The following CACNA2D3 variants were observed in gnomAD, a reference collection of about 807,000 sequenced individuals.
CACNA2D3 encodes the protein calcium voltage-gated channel auxiliary subunit alpha2delta 3, also known as voltage-dependent calcium channel subunit alpha-2/delta-3.
A neutral mutation model predicts 160.6 loss-of-function variants in CACNA2D3; 60 were observed. The ratio of observed to expected loss-of-function variants is 0.37; its 90% CI spans 0.30 to 0.46. The LOEUF is 0.46. Among genes scored for constraint, CACNA2D3 ranks in the 20% least tolerant of loss-of-function variants. CACNA2D3 has a pLI of 1.00. For missense variants in CACNA2D3, 1,205 were observed against 1,365.0 expected (o/e 0.88, Z 1.85); for synonymous variants, 558 against 492.9 (o/e 1.13, Z -1.75).
At chr3:54,464,786 C>A (rs1034282025) in intron 4 of CACNA2D3, among the ~76,000 whole-genome samples, 1 of 152,238 alleles carries the variant, frequency 6.6e-6, no homozygotes, top group Non-Finnish European at 1.5e-5. Flanking sequence ...ACGCACTGTC[C>A]TGCGCCCACT....
rs142319258 is a variant in CACNA2D3 at position 54,862,510 on chromosome 3, A to G, written c.1627-9029A>G. Among the ~76,000 whole-genome samples, 62 of 152,292 alleles carry G rather than the reference A, an allele frequency of 4.1e-4. 1 individual carries two copies. Among genetic ancestry groups the G allele is most frequent in the African/African-American group, 1.5e-3 (61 of 41,564 alleles). On this transcript the variant is annotated intron_variant, in intron 17 of 37. Transcript: ENST00000474759. Reference sequence around the variant, plus strand: ...AATGGCAGTTGGCTTGGAAGAAAGAATTTCTTTCCCTCTTGCCTGCATCCC... The same window carrying G: ...AATGGCAGTTGGCTTGGAAGAAAGAGTTTCTTTCCCTCTTGCCTGCATCCC...
chr3:54,837,239 A>G lies in CACNA2D3; in HGVS notation c.1470+9A>G, dbSNP rs1698714788. The G allele has an allele frequency of 6.2e-7, 1 of 1,613,000 alleles. No homozygotes were observed. Among genetic ancestry groups the G allele is most frequent in the Non-Finnish European group, 8.5e-7 (1 of 1,178,988 alleles). On this transcript the variant is annotated intron_variant, in intron 15 of 37. Coordinates refer to ENST00000474759, the MANE Select transcript of CACNA2D3 (RefSeq NM_018398.3). ...GTAAGCAGAACGAAACCGTGAGTAC[A>G]GTCGCTGAGCTTCCTGCTTGATGCT...
chr3:54,804,310 C>T (rs1403081478), intron 13 of CACNA2D3, among the ~76,000 whole-genome samples: 1 of 151,794 alleles, frequency 6.6e-6, no homozygotes, highest in African/African-American at 2.4e-5. Flanking sequence ...TCAGGAAACC[C>T]ATCTCACATG....
Position 54,155,819 on chromosome 3 carries a change from A to G in CACNA2D3, c.204+32225A>G, listed in dbSNP as rs1477979324. The stretch of plus-strand genomic sequence containing the variant: ...CCATTGAGGAAGGTCATTCAGGAGC[A>G]GGGCAACTTCCCAGAACAAAACTTC... On this transcript the variant is annotated intron_variant, in intron 2 of 37. Transcript: ENST00000474759. Among the ~76,000 whole-genome samples the G allele has an allele frequency of 2.0e-5, 3 of 152,232 alleles. No individual in the cohort carries two copies. In the East Asian group the frequency reaches 5.8e-4, roughly 29 times the overall value.
intron 3 of CACNA2D3, among the ~76,000 whole-genome samples, chr3:54,343,024 C>A (rs577471589): frequency 5.2e-5 from 8 of 152,386 alleles, no homozygotes; most frequent in African/African-American, 1.9e-4. Context: ...CACCCTCACA[C>A]ACTGAAAACA....
At chr3:54,936,645 G>A (rs1051206531) in intron 27 of CACNA2D3, among the ~76,000 whole-genome samples, 6 of 152,044 alleles carry the variant, frequency 3.9e-5, no homozygotes, top group African/African-American at 1.2e-4. Flanking sequence ...CTACATGCTC[G>A]TGCTGTGATT....
At chr3:54,363,531 C>G (rs549356805) in intron 3 of CACNA2D3, among the ~76,000 whole-genome samples, 1 of 152,236 alleles carries the variant, frequency 6.6e-6, no homozygotes, top group East Asian at 1.9e-4. Flanking sequence ...CACATTTTTT[C>G]TTGCTAGGCC....
At chr3:54,886,167 A>AGTATAGCTCCAGTAGCTACG (rs1699921097) in intron 23 of CACNA2D3, among the ~76,000 whole-genome samples, 1 of 151,920 alleles carries the variant, frequency 6.6e-6, no homozygotes, top group South Asian at 2.1e-4. Flanking sequence ...ATACTCTCAC[A>AGTATAGCTCCAGTAGCTACG]GTTTGGGCAG....
At chr3:54,228,050 T>C (rs1701706624) in intron 2 of CACNA2D3, among the ~76,000 whole-genome samples, 2 of 152,222 alleles carry the variant, frequency 1.3e-5, no homozygotes, top group South Asian at 4.1e-4. Flanking sequence ...CTGTGGATCC[T>C]CTTCTATTTC....
chr3:54,788,341 G>C (rs1217729034), intron 13 of CACNA2D3, among the ~76,000 whole-genome samples: 2 of 152,268 alleles, frequency 1.3e-5, no homozygotes, highest in Admixed American at 1.3e-4. Context: ...TTCCTTGCCT[G>C]ATTGTTCAAG....
intron 3 of CACNA2D3, among the ~76,000 whole-genome samples, chr3:54,366,663 C>T (rs1698833170): frequency 6.6e-6 from 1 of 152,176 alleles, no homozygotes; most frequent in Admixed American, 6.5e-5. Context: ...GAAAAACCAG[C>T]AGAGAAATCT....
chr3:54,789,767 T>C (rs1042000479), intron 13 of CACNA2D3: 3 of 471,768 alleles, frequency 6.4e-6, no homozygotes, highest in African/African-American at 5.9e-5. Flanking sequence ...AAAATTTAGA[T>C]TTTGGATTGA....
chr3:54,462,914 C>T (rs369122371), intron 4 of CACNA2D3, among the ~76,000 whole-genome samples: 37 of 149,144 alleles, frequency 2.5e-4, no homozygotes, highest in Non-Finnish European at 4.2e-4. Context: ...CGGCTGGTAC[C>T]GGTTGTTCCT....
intron 25 of CACNA2D3, among the ~76,000 whole-genome samples, chr3:54,892,728 T>G (rs1194905853): frequency 6.6e-6 from 1 of 152,166 alleles, no homozygotes; most frequent in African/African-American, 2.4e-5. Context: ...GACAAGGGAA[T>G]TCATTTTCTA....
chr3:54,439,325 GTGTGTGTT>G (rs1184505297), intron 4 of CACNA2D3, among the ~76,000 whole-genome samples: 2 of 152,104 alleles, frequency 1.3e-5, no homozygotes, highest in Admixed American at 1.3e-4. Context: ...GTGTGTGTGT[GTGTGTGTT>G]TGTGTGTGAA....
chr3:54,461,330 G>A (rs1312634041), intron 4 of CACNA2D3, among the ~76,000 whole-genome samples: 6 of 150,456 alleles, frequency 4.0e-5, no homozygotes, highest in African/African-American at 1.5e-4. Flanking sequence ...TCTATTGATT[G>A]GAATAGTTTC....
intron 13 of CACNA2D3, among the ~76,000 whole-genome samples, chr3:54,770,967 A>G (rs922935173): frequency 1.3e-5 from 2 of 152,154 alleles, no homozygotes; most frequent in Non-Finnish European, 2.9e-5. Flanking sequence ...GAAAAAAAAC[A>G]TCTTCCTTGC....
intron 11 of CACNA2D3, among the ~76,000 whole-genome samples, chr3:54,714,220 G>A (rs373810193): frequency 3.3e-4 from 51 of 152,246 alleles, no homozygotes; most frequent in Non-Finnish European, 5.0e-4. Context: ...AAACAAGGGC[G>A]CTATTGTTTG....
At chr3:54,135,245 A>G (rs114310212) in intron 2 of CACNA2D3, among the ~76,000 whole-genome samples, 1,548 of 152,172 alleles carry the variant, frequency 0.01, 34 homozygotes, top group African/African-American at 0.035. Flanking sequence ...TTTGAAGGCT[A>G]CTGGGAGCTG....
Sources: allele counts gnomAD v4.1 joint callset (sites outside exome capture counted in the v4.1 genomes callset), GRCh38; gene constraint gnomAD v4.1.1; transcripts MANE v1.5; gene names NCBI Gene and HGNC (gene_info 2026-07-23, HGNC 2026-07-21).